Variants in DOK7 observed in about 807,000 individuals in gnomAD.
The protein encoded by DOK7 is protein Dok-7.
In DOK7, 32 loss-of-function variants were observed where a neutral mutation model predicts 30.7. The observed-to-expected ratio is 1.04, with a 90% confidence interval of 0.79 to 1.40. The LOEUF (loss-of-function observed/expected upper bound fraction) is 1.40. Ranked by LOEUF, DOK7 falls within the 40% of genes most tolerant of loss-of-function variation. DOK7 has a pLI of 0.00. For missense variants in DOK7, 1,007 were observed against 699.2 expected (o/e 1.44, Z -4.97); for synonymous variants, 447 against 324.1 (o/e 1.38, Z -4.07).
chr4:3,468,549 T>C (rs61723248), intron 2 of DOK7, among the ~76,000 whole-genome samples: 6,608 of 151,248 alleles, frequency 0.044, 500 homozygotes, highest in African/African-American at 0.15. Context: ...TATGTGTGTG[T>C]GCCTGTGTGA....
At chr4:3,485,748 C>G in intron 5 of DOK7, 90 bp downstream of exon 5, 1 of 1,359,360 alleles carries the variant, frequency 7.4e-7, no homozygotes, top group South Asian at 1.8e-5. Context: ...TTTGTCAGCC[C>G]CAGTTAGATG....
intron 5 of DOK7, among the ~76,000 whole-genome samples, chr4:3,488,488 G>A (rs1727956703): frequency 6.6e-6 from 1 of 152,236 alleles, no homozygotes; most frequent in African/African-American, 2.4e-5. Context: ...TCTCCGGAGC[G>A]CTGACCATGG....
intron 2 of DOK7, among the ~76,000 whole-genome samples, chr4:3,472,408 G>T (rs1726810272): frequency 2.0e-5 from 3 of 152,208 alleles, no homozygotes; most frequent in Admixed American, 1.3e-4. Context: ...TGGGGTGTTT[G>T]TATGAGGTCC....
intron 6 of DOK7, among the ~76,000 whole-genome samples, chr4:3,490,707 C>T (rs2109400867): frequency 9.9e-6 from 1 of 100,910 alleles, no homozygotes; most frequent in Admixed American, 1.0e-4. Flanking sequence ...CCCCCTCATG[C>T]ATTCCTTCAT....
chr4:3,466,207 C>T (rs1423615156), intron 2 of DOK7, among the ~76,000 whole-genome samples: 3 of 152,166 alleles, frequency 2.0e-5, no homozygotes, highest in African/African-American at 4.8e-5. Context: ...CCAAACCTTG[C>T]CCCCCACAGC....
chr4:3,490,725 C>A (rs1728300910), intron 6 of DOK7, among the ~76,000 whole-genome samples: 1 of 102,786 alleles, frequency 9.7e-6, no homozygotes, highest in African/African-American at 4.1e-5. Flanking sequence ...CATTTCCCCC[C>A]ACTCATTCCT....
At chr4:3,494,762 T>G (rs1190953834), downstream of DOK7, among the ~76,000 whole-genome samples, 1 of 152,142 alleles carries the variant, frequency 6.6e-6, no homozygotes, top group Non-Finnish European at 1.5e-5. Context: ...TCTGCAGTAG[T>G]CCCTCAGGCA....
intron 4 of DOK7, among the ~76,000 whole-genome samples, chr4:3,482,906 G>A (rs957366424): frequency 6.6e-6 from 1 of 152,174 alleles, no homozygotes; most frequent in African/African-American, 2.4e-5. Context: ...ACGGCAGCAG[G>A]TGGGGCTGAA....
rs375468951 is a variant in DOK7 at position 3,476,337 on chromosome 4, C to T, written c.332-5C>T. 7.2e-5 allele frequency: 116 copies of T among 1,610,488 alleles called. 2 individuals are homozygous for T. The African/African-American group carries it at 1.2e-3, about 16-fold the overall frequency. On this transcript the variant is annotated splice_region_variant and splice_polypyrimidine_tract_variant and intron_variant, in intron 3 of 6. Coordinates refer to ENST00000340083, the MANE Select transcript of DOK7 (RefSeq NM_173660.5). ...GTGATGCCCTCTTGCCCCGCCTGCC[C>T]GCAGTGCATAGGTTCCATGTGACAG...
downstream of DOK7, among the ~76,000 whole-genome samples, chr4:3,496,606 C>T (rs1394994927): frequency 1.3e-5 from 2 of 152,156 alleles, no homozygotes; most frequent in African/African-American, 4.8e-5. Context: ...GCTGGGTGGT[C>T]AAGGCAGTGG....
At chr4:3,481,502 TG>T (rs1727441591) in intron 4 of DOK7, among the ~76,000 whole-genome samples, 2 of 151,374 alleles carry the variant, frequency 1.3e-5, no homozygotes, top group Admixed American at 1.3e-4. Flanking sequence ...AGAGGAGGGG[TG>T]GGAGCCAACA....
At chr4:3,468,880 AGT>A (rs1361187445) in intron 2 of DOK7, among the ~76,000 whole-genome samples, 1 of 117,358 alleles carries the variant, frequency 8.5e-6, no homozygotes, top group Non-Finnish European at 1.8e-5. Flanking sequence ...CCTGTGTACG[AGT>A]GTGCCTGTGT....
chr4:3,476,596 T>C lies in DOK7; in HGVS notation c.532+54T>C, dbSNP rs2699426. The C allele has an allele frequency of 0.45, 726,654 of 1,607,278 alleles. 170,709 individuals carry two copies. Among genetic ancestry groups the C allele is most frequent in the African/African-American group, 0.79 (59,187 of 74,852 alleles). On this transcript the variant is annotated intron_variant, in intron 4 of 6. Transcript: ENST00000340083. ...CAGCAGCAGCACCCCCCACTTCCCC[T>C]GAGAACTGCTGGCTTCGGGCCGGCC...
At position 3,493,549 on chromosome 4, in the gene DOK7, C is replaced by CA; in HGVS notation, c.*49dup. On this transcript the variant is annotated 3_prime_UTR_variant, in exon 7 of 7. Coordinates refer to ENST00000340083, the MANE Select transcript of DOK7 (RefSeq NM_173660.5). ...GCTGCAAAGGGGCTGAATTTGCCCC[C>CA]AGATGGCAGAGGAAGTGGCGCCAGC... 1 of 1,594,052 alleles carries CA rather than the reference C, an allele frequency of 6.3e-7. No individual in the cohort carries two copies.
intron 4 of DOK7, among the ~76,000 whole-genome samples, chr4:3,485,124 ACATCCCCC>A (rs1229039563): frequency 6.6e-6 from 1 of 152,162 alleles, no homozygotes; most frequent in Non-Finnish European, 1.5e-5. Context: ...CAGAGCAGCC[ACATCCCCC>A]CATCCCCCCA....
rs554339264 is a variant in DOK7, at chr4:3,470,529, G to A, written c.101-2877G>A. On this transcript the variant is annotated intron_variant, in intron 2 of 6. Coordinates refer to ENST00000340083, the MANE Select transcript of DOK7 (RefSeq NM_173660.5). The stretch of plus-strand genomic sequence containing the variant: ...GGTCTGAGGGTCGAGCGTGGGTTCA[G>A]CATGCGCCCCACCACCAGCCTTGCA... Among the ~76,000 whole-genome samples the A allele has an allele frequency of 3.3e-5, 5 of 152,332 alleles. No individual in the cohort carries two copies. In the East Asian group the frequency reaches 9.6e-4, roughly 29 times the overall value.
rs189836979 is a variant in DOK7, at chr4:3,480,391, T to C, written c.532+3849T>C. Among the ~76,000 whole-genome samples, 448 of 152,292 alleles carry C rather than the reference T, an allele frequency of 2.9e-3. 1 individual carries two copies. The highest frequency in any genetic ancestry group is 5.2e-3 in the South Asian group (25 of 4,828). On this transcript the variant is annotated intron_variant, in intron 4 of 6. Transcript: ENST00000340083. ...GGGAGGCGGAGGTGGGAGGATCACCTGAGGTCAGGAGTTCGAGATCAGCCT... is the reference window on the plus strand; with the variant it reads ...GGGAGGCGGAGGTGGGAGGATCACCCGAGGTCAGGAGTTCGAGATCAGCCT...
Position 3,493,043 on chromosome 4 carries a change from T to TCGTCCTACGCGGG in DOK7, c.1059_1071dup (p.Ser358ValfsTer15). On this transcript the variant is annotated frameshift_variant, in exon 7 of 7. Transcript: ENST00000340083. LOFTEE classifies it low-confidence loss of function (END_TRUNC). ...CCACTCCTCTTACTCCAGCAGCCTC[T>TCGTCCTACGCGGG]CGTCCTACGCGGGCAGCAGCCTGGA... The TCGTCCTACGCGGG allele has an allele frequency of 1.3e-6, 2 of 1,573,228 alleles. No homozygotes were observed. The highest frequency in any genetic ancestry group is 1.7e-6 in the Non-Finnish European group (2 of 1,164,266).
At chr4:3,476,567 T>C (rs1330732586) in intron 4 of DOK7, 25 bp downstream of exon 4, 3 of 1,613,086 alleles carry the variant, frequency 1.9e-6, no homozygotes, top group South Asian at 2.2e-5. Context: ...GTGGGGTCAC[T>C]GGGCAGCAGC....
Sources: allele counts gnomAD v4.1 joint callset (sites outside exome capture counted in the v4.1 genomes callset), GRCh38; gene constraint gnomAD v4.1.1; transcripts MANE v1.5; gene names NCBI Gene and HGNC (gene_info 2026-07-23, HGNC 2026-07-21).